Variants in LARGE1 observed in about 807,000 individuals in gnomAD.
LARGE1 encodes xylosyl- and glucuronyltransferase LARGE1.
In LARGE1, 43 loss-of-function variants were observed where a neutral mutation model predicts 87.6. The ratio of observed to expected loss-of-function variants is 0.49; its 90% CI spans 0.38 to 0.63. The LOEUF (loss-of-function observed/expected upper bound fraction) is 0.63. LARGE1 is among the 30% of genes least tolerant of loss of function. The pLI, the probability that LARGE1 is intolerant of heterozygous loss-of-function variation, is 0.00. For synonymous variants in LARGE1, 434 were observed against 394.6 expected (o/e 1.10, Z -1.18); for missense variants, 802 against 1,000.2 (o/e 0.80, Z 2.67).
intron 1 of LARGE1, among the ~76,000 whole-genome samples, chr22:33,876,114 C>G (rs1601831816): frequency 6.6e-6 from 1 of 152,170 alleles, no homozygotes; most frequent in South Asian, 2.1e-4. Flanking sequence ...AATCACTGAT[C>G]TATTCTCTCA....
At chr22:33,850,562 A>AT (rs1240608641) in intron 1 of LARGE1, among the ~76,000 whole-genome samples, 1 of 152,198 alleles carries the variant, frequency 6.6e-6, no homozygotes, top group Non-Finnish European at 1.5e-5. Context: ...ACACCTAATA[A>AT]ATGACAGACA....
chr22:33,115,155 GT>G, the LARGE1 span, among the ~76,000 whole-genome samples: 1 of 152,272 alleles, frequency 6.6e-6, no homozygotes, highest in African/African-American at 2.4e-5. Flanking sequence ...AAATTAACAT[GT>G]TGAAGTTCTG....
chr22:33,484,514 A>G (rs1254814389), intron 6 of LARGE1, among the ~76,000 whole-genome samples: 1 of 152,186 alleles, frequency 6.6e-6, no homozygotes, highest in Non-Finnish European at 1.5e-5. Flanking sequence ...ATGTTACAGA[A>G]CAGTTTGCAA....
chr22:33,168,440 A>T (rs1922388995), intron 11 of LARGE1, among the ~76,000 whole-genome samples: 1 of 152,242 alleles, frequency 6.6e-6, no homozygotes, highest in Non-Finnish European at 1.5e-5. Flanking sequence ...GAGTTATCAC[A>T]AACCATTTTC....
At chr22:33,253,727 T>G (rs1927118881) in intron 11 of LARGE1, among the ~76,000 whole-genome samples, 1 of 152,060 alleles carries the variant, frequency 6.6e-6, no homozygotes, top group Non-Finnish European at 1.5e-5. Flanking sequence ...GAGCAGCACC[T>G]CGTGCAGCAC....
At chr22:33,362,853 C>G (rs1304389514) in intron 9 of LARGE1, among the ~76,000 whole-genome samples, 2 of 149,610 alleles carry the variant, frequency 1.3e-5, no homozygotes, top group Non-Finnish European at 3.0e-5. Context: ...CCAGGACCGT[C>G]CTCCAATTGT....
At chr22:33,581,765 T>G (rs1478809053) in intron 5 of LARGE1, among the ~76,000 whole-genome samples, 2 of 150,100 alleles carry the variant, frequency 1.3e-5, no homozygotes, top group Non-Finnish European at 3.0e-5. Flanking sequence ...TGAGCCGAGA[T>G]TGTGCCATTG....
intron 7 of LARGE1, among the ~76,000 whole-genome samples, chr22:33,402,732 G>T (rs2065964851): frequency 3.3e-5 from 5 of 152,130 alleles, no homozygotes; most frequent in Admixed American, 3.3e-4. Flanking sequence ...ATTACCTGGG[G>T]TATATTTTTA....
chr22:33,784,700 C>T (rs1001385995), intron 1 of LARGE1, among the ~76,000 whole-genome samples: 1 of 151,898 alleles, frequency 6.6e-6, no homozygotes, highest in African/African-American at 2.4e-5. Context: ...CAAAATGAAT[C>T]TTTATTTTAT....
intron 2 of LARGE1, among the ~76,000 whole-genome samples, chr22:33,728,913 C>G (rs977978777): frequency 6.6e-6 from 1 of 152,150 alleles, no homozygotes; most frequent in Non-Finnish European, 1.5e-5. Flanking sequence ...AAATAATATC[C>G]AGCTTTCTTT....
chr22:33,911,097 A>C (rs1453867507), intron 1 of LARGE1, among the ~76,000 whole-genome samples: 1 of 152,188 alleles, frequency 6.6e-6, no homozygotes, highest in Non-Finnish European at 1.5e-5. Flanking sequence ...CGAATGAGAG[A>C]GTGCCTGGCA....
intron 7 of LARGE1, among the ~76,000 whole-genome samples, chr22:33,392,633 T>C (rs2065574183): frequency 6.6e-6 from 1 of 152,074 alleles, no homozygotes; most frequent in Admixed American, 6.6e-5. Context: ...TACTCCCGCC[T>C]GGGCAACACA....
At chr22:33,534,467 G>T (rs5754592) in intron 6 of LARGE1, among the ~76,000 whole-genome samples, 73,376 of 151,630 alleles carry the variant, frequency 0.48, 19,771 homozygotes, top group Admixed American at 0.61. Flanking sequence ...CTGCATCCAC[G>T]AGTGAGGGTC....
intron 1 of LARGE1, among the ~76,000 whole-genome samples, chr22:33,785,005 A>G (rs927497349): frequency 1.4e-5 from 2 of 145,418 alleles, no homozygotes; most frequent in African/African-American, 2.8e-5. Context: ...GTATATACAT[A>G]TATGTGTATA....
At chr22:33,534,731 A>G (rs1002496390) in intron 6 of LARGE1, among the ~76,000 whole-genome samples, 22 of 152,292 alleles carry the variant, frequency 1.4e-4, no homozygotes, top group African/African-American at 5.1e-4. Flanking sequence ...ATGGACTACA[A>G]CTAGAATCAA....
chr22:33,410,682 T>C (rs761586773), intron 7 of LARGE1, among the ~76,000 whole-genome samples: 1 of 152,022 alleles, frequency 6.6e-6, no homozygotes, highest in Non-Finnish European at 1.5e-5. Context: ...TTTTTTTTTA[T>C]AGCAGTGTGA....
chr22:33,396,184 G>A (rs890339887), intron 7 of LARGE1, among the ~76,000 whole-genome samples: 6 of 152,248 alleles, frequency 3.9e-5, no homozygotes, highest in African/African-American at 1.4e-4. Context: ...TGGGGAGCGT[G>A]CAGACTCTCA....
chr22:33,837,227 A>G (rs2063134336), intron 1 of LARGE1, among the ~76,000 whole-genome samples: 3 of 148,884 alleles, frequency 2.0e-5, no homozygotes, highest in African/African-American at 7.5e-5. Flanking sequence ...CACTCCATAT[A>G]TATATATATG....
At chr22:33,825,707 A>G (rs1488391284) in intron 1 of LARGE1, among the ~76,000 whole-genome samples, 1 of 152,132 alleles carries the variant, frequency 6.6e-6, no homozygotes, top group Non-Finnish European at 1.5e-5. Flanking sequence ...ACGAACTACA[A>G]TTCAAGGTGA....
Sources: gnomAD v4.1 joint callset for allele counts (sites outside exome capture counted in the v4.1 genomes callset) on GRCh38, gnomAD v4.1.1 for gene constraint, MANE v1.5 for transcripts, NCBI Gene and HGNC (gene_info 2026-07-23, HGNC 2026-07-21) for gene names.